Variants in ARID1B observed in about 807,000 individuals in gnomAD.
The protein encoded by ARID1B is AT-rich interaction domain 1B, also known as AT-rich interactive domain-containing protein 1B.
A neutral mutation model predicts 212.3 loss-of-function variants in ARID1B; 30 were observed. That is an observed-to-expected ratio of 0.14 (90% CI 0.11 to 0.19). ARID1B has a LOEUF of 0.19. Among genes scored for constraint, ARID1B ranks in the 10% least tolerant of loss-of-function variants. The pLI is 1.00. For missense variants in ARID1B, 2,891 were observed against 3,204.0 expected, an observed-to-expected ratio of 0.90 and a Z score of 2.36; for synonymous variants, 1,402 against 1,301.7, an observed-to-expected ratio of 1.08 and a Z score of -1.66.
intron 15 of ARID1B, among the ~76,000 whole-genome samples, chr6:157,192,164 G>A (rs1004269070): frequency 2.6e-5 from 4 of 152,126 alleles, no homozygotes; most frequent in Admixed American, 1.3e-4. Flanking sequence ...TGTTGGGGTA[G>A]CTGTTTTTCT....
chr6:157,095,863 A>T (rs971496947), intron 5 of ARID1B, among the ~76,000 whole-genome samples: 2 of 150,742 alleles, frequency 1.3e-5, no homozygotes, highest in East Asian at 3.9e-4. Flanking sequence ...AAAAAAAAGT[A>T]TCACATTTTA....
At chr6:156,846,706 C>T (rs558690986) in intron 2 of ARID1B, among the ~76,000 whole-genome samples, 1 of 152,222 alleles carries the variant, frequency 6.6e-6, no homozygotes, top group Non-Finnish European at 1.5e-5. Flanking sequence ...GGGGGACGGG[C>T]CTGTTACGTG....
chr6:156,820,302 G>T (rs1395087269), intron 1 of ARID1B, among the ~76,000 whole-genome samples: 1 of 152,186 alleles, frequency 6.6e-6, no homozygotes, highest in Non-Finnish European at 1.5e-5. Context: ...CTACATTCTA[G>T]TTAGAGTCCT....
chr6:157,181,017 G>A lies in ARID1B; in HGVS notation c.3553G>A (p.Glu1185Lys), dbSNP rs1248514225. Reference protein sequence around the residue: ...TTGEKITKVYELGNEPERKLW... With the variant: ...TTGEKITKVYKLGNEPERKLW... ...TGGGGAGAAGATCACGAAGGTGTAC[G>A]AGCTGGGGAATGAGCCAGAGAGAAA... Residue 1185 changes from glutamate to lysine, a missense_variant, in exon 12 of 20, where the codon GAG becomes AAG. Physicochemically the swap from Glu to Lys is moderately conservative, Grantham distance 56. This residue lies in a region of ARID1B where 666 missense variants were observed against 873.5 expected (regional missense o/e 0.76). Coordinates refer to ENST00000636930, the MANE Select transcript of ARID1B (RefSeq NM_001374828.1). The A allele has an allele frequency of 1.1e-5, 17 of 1,614,080 alleles. No homozygotes were observed. Among genetic ancestry groups the A allele is most frequent in the East Asian group, 2.2e-5 (1 of 44,882 alleles).
intron 1 of ARID1B, among the ~76,000 whole-genome samples, chr6:156,787,891 A>G (rs934137890): frequency 3.3e-5 from 5 of 151,804 alleles, no homozygotes; most frequent in African/African-American, 1.2e-4. Context: ...TTTTCTCTGC[A>G]CTCCAGCAGG....
At position 156,897,258 on chromosome 6, in the gene ARID1B, C is replaced by CTTATTATTATTA. The variant is rs1181438273; in HGVS notation, c.1987-4116_1987-4115insATTATTATTATT. On this transcript the variant is annotated intron_variant, in intron 2 of 19. Transcript: ENST00000636930. ...TCTTCTTCTTCTTCTTCTTCTTCTT[C>CTTATTATTATTA]TTCTTCTTATTATTATTATTATTAT... Among the ~76,000 whole-genome samples, 638 of 86,990 alleles carry CTTATTATTATTA rather than the reference C, an allele frequency of 7.3e-3. 4 individuals carry two copies. Among genetic ancestry groups the CTTATTATTATTA allele is most frequent in the Admixed American group, 0.031 (245 of 7,880 alleles). The allele number at this position is 86,990 out of a possible 152,430, so 57.1% of individuals were successfully genotyped here.
intron 2 of ARID1B, 142 bp downstream of exon 2, chr6:156,829,563 C>G: frequency 1.0e-6 from 1 of 993,178 alleles, no homozygotes; most frequent in Non-Finnish European, 1.4e-6. Context: ...TCTTTAATCA[C>G]AGGTATAATT....
At chr6:156,827,664 A>T (rs1343072404) in intron 1 of ARID1B, among the ~76,000 whole-genome samples, 1 of 150,888 alleles carries the variant, frequency 6.6e-6, no homozygotes, top group Admixed American at 6.6e-5. Context: ...CCCTTGACCC[A>T]GTGCCTTGTG....
intron 2 of ARID1B, among the ~76,000 whole-genome samples, chr6:156,880,739 C>CAAAAAAAAAA (rs141153792): frequency 1.6e-3 from 136 of 86,864 alleles, no homozygotes; most frequent in Middle Eastern, 8.9e-3. Context: ...GACTCTGTCT[C>CAAAAAAAAAA]AAAAAAAAAA....
intron 4 of ARID1B, among the ~76,000 whole-genome samples, chr6:156,953,210 A>G (rs1793713386): frequency 6.6e-6 from 1 of 152,248 alleles, no homozygotes; most frequent in South Asian, 2.1e-4. Flanking sequence ...GGGTGGTTGG[A>G]AAGCAAAGCT....
At chr6:157,048,257 G>T (rs1782368017) in intron 4 of ARID1B, among the ~76,000 whole-genome samples, 1 of 152,168 alleles carries the variant, frequency 6.6e-6, no homozygotes, top group African/African-American at 2.4e-5. Flanking sequence ...TATCAGGGAT[G>T]ATTTTTAAAA....
At chr6:156,826,034 T>A (rs2128035012) in intron 1 of ARID1B, among the ~76,000 whole-genome samples, 1 of 152,382 alleles carries the variant, frequency 6.6e-6, no homozygotes, top group African/African-American at 2.4e-5. Context: ...GTAAAATCAG[T>A]ATATTGTTTG....
At chr6:156,995,680 T>C (rs760089792) in intron 4 of ARID1B, among the ~76,000 whole-genome samples, 3 of 152,192 alleles carry the variant, frequency 2.0e-5, no homozygotes, top group Non-Finnish European at 1.5e-5. Context: ...TGCCCAAATA[T>C]TCAATTATCG....
At position 157,207,158 on chromosome 6, in the gene ARID1B, C is replaced by A. The variant is rs778311119; in HGVS notation, c.6386C>A (p.Ala2129Asp). The A allele has an allele frequency of 6.2e-7, 1 of 1,614,176 alleles. No individual in the cohort carries two copies. Among genetic ancestry groups the A allele is most frequent in the Non-Finnish European group, 8.5e-7 (1 of 1,180,034 alleles). ...GAGGAGGATGAGGACAAGGGGGTGG[C>A]CTGCAGCAAAGATGAGTGGTGGTGG... ...EKEEDEDKGVACSKDEWWWDC... is the reference protein window; with the variant it reads ...EKEEDEDKGVDCSKDEWWWDC... The change falls in exon 20 of 20, where the codon GCC becomes GAC. Residue 2129 changes from alanine (A) to aspartate (D), a missense_variant. Ala to Asp is a moderately radical substitution (Grantham distance 126). This residue lies in a region of ARID1B where 41 missense variants were observed against 40.4 expected (regional missense o/e 1.01). Transcript: ENST00000636930. The surrounding 1 kb of genome is among the most constrained non-coding windows in gnomAD (Gnocchi z 8.5).
At chr6:157,005,953 A>C (rs907192012) in intron 4 of ARID1B, among the ~76,000 whole-genome samples, 1 of 152,056 alleles carries the variant, frequency 6.6e-6, no homozygotes, top group Non-Finnish European at 1.5e-5. Context: ...CTATTTTAAG[A>C]GGCTTTTATA....
intron 2 of ARID1B, among the ~76,000 whole-genome samples, chr6:156,856,700 T>TCTCTCA (rs1168465535): frequency 9.6e-5 from 11 of 114,650 alleles, no homozygotes; most frequent in African/African-American, 3.5e-4. Context: ...TCTCTCTCTC[T>TCTCTCA]CACACACACA....
chr6:156,777,691 G>T lies in ARID1B; in HGVS notation c.11G>T (p.Arg4Leu). 6.8e-6 allele frequency: 1 copy of T among 146,336 alleles called. No individual in the cohort carries two copies. Among genetic ancestry groups the T allele is most frequent in the South Asian group, 2.0e-4 (1 of 4,890 alleles). 9.1% of individuals were successfully genotyped at this position (146,336 alleles called of 1,614,324 possible). ...CACGCCGCGGCGATCATGGCCGCGCGGGCAGCAGCGGCGGCGGCGGCGGCG... is the reference window on the plus strand; with the variant it reads ...CACGCCGCGGCGATCATGGCCGCGCTGGCAGCAGCGGCGGCGGCGGCGGCG... MAA[R>L]AAAAAAAAAA... The change falls in exon 1 of 20, where the codon CGG becomes CTG. Residue 4 changes from arginine to leucine, a missense_variant. Coordinates refer to ENST00000636930, the MANE Select transcript of ARID1B (RefSeq NM_001374828.1).
At chr6:156,916,385 CTG>C (rs1354849573) in intron 3 of ARID1B, among the ~76,000 whole-genome samples, 3 of 152,296 alleles carry the variant, frequency 2.0e-5, no homozygotes, top group Admixed American at 6.5e-5. Context: ...GAGGTTCACA[CTG>C]TGCGTTCATC....
intron 2 of ARID1B, among the ~76,000 whole-genome samples, chr6:156,868,436 T>G (rs1192885628): frequency 6.6e-6 from 1 of 152,252 alleles, no homozygotes; most frequent in Non-Finnish European, 1.5e-5. Context: ...TACCATAAAC[T>G]GGGTGGCTTA....
Sources: allele counts gnomAD v4.1 joint callset (sites outside exome capture counted in the v4.1 genomes callset), GRCh38; gene constraint gnomAD v4.1.1; regional missense constraint gnomAD v4.1.1; non-coding constraint Gnocchi (gnomAD v3.1); transcripts MANE v1.5; gene names NCBI Gene and HGNC (gene_info 2026-07-23, HGNC 2026-07-21).